Variants in GPM6A observed in about 807,000 individuals in gnomAD.
GPM6A encodes neuronal membrane glycoprotein M6-a.
Under a neutral mutation model 32.1 loss-of-function variants are expected in GPM6A, and 7 were observed. The ratio of observed to expected loss-of-function variants is 0.22; its 90% CI spans 0.12 to 0.41. The LOEUF (loss-of-function observed/expected upper bound fraction) is 0.41. Ranked by LOEUF, GPM6A falls within the 10% of genes least tolerant of loss-of-function variation. GPM6A has a pLI of 1.00. For synonymous variants in GPM6A, 130 were observed against 123.4 expected, an observed-to-expected ratio of 1.05 and a Z score of -0.35; for missense variants, 235 against 347.2, an observed-to-expected ratio of 0.68 and a Z score of 2.57.
chr4:175,930,634 C>T (rs1233064529), intron 1 of GPM6A, among the ~76,000 whole-genome samples: 1 of 151,876 alleles, frequency 6.6e-6, no homozygotes, highest in Non-Finnish European at 1.5e-5. Flanking sequence ...TCATTTTAAT[C>T]CCTTTGAATT....
chr4:175,684,480 C>T (rs1023618180), intron 2 of GPM6A, among the ~76,000 whole-genome samples: 2 of 151,716 alleles, frequency 1.3e-5, no homozygotes, highest in African/African-American at 4.8e-5. Flanking sequence ...TTGGGTGGCA[C>T]AAGAATTGAT....
intron 1 of GPM6A, among the ~76,000 whole-genome samples, chr4:175,736,900 A>T (rs1731683662): frequency 1.3e-5 from 2 of 152,228 alleles, no homozygotes; most frequent in Admixed American, 1.3e-4. Flanking sequence ...TCATAGCACA[A>T]TGCATTAGTC....
rs114347653 is a variant in GPM6A at position 175,840,543 on chromosome 4, G to A, written c.-22-28294C>T. Among the ~76,000 whole-genome samples, 409 of 152,182 alleles carry A rather than the reference G, an allele frequency of 2.7e-3. 2 individuals are homozygous for A. The highest frequency in any genetic ancestry group is 9.4e-3 in the African/African-American group (391 of 41,540). ...AAATACAAAAAAGTAGCCTTGTGGC[G>A]CAGGCCTGTAATCCCAGCTACTCGG... On this transcript the variant is annotated intron_variant, in intron 1 of 7. Transcript: ENST00000280187.
At position 175,868,252 on chromosome 4, in the gene GPM6A, A is replaced by G. The variant is rs527995467; in HGVS notation, c.-22-56003T>C. Among the ~76,000 whole-genome samples, 7 of 152,262 alleles carry G rather than the reference A, an allele frequency of 4.6e-5. No homozygotes were observed. The South Asian group carries it at 1.2e-3, about 27-fold the overall frequency. On this transcript the variant is annotated intron_variant, in intron 1 of 7. Coordinates refer to the GPM6A transcript ENST00000280187. ...CTAGATCCAGAGTGTTGATTTTTCA[A>G]TCTGTTCAGCTTGTTATTTGTTGTT...
chr4:175,681,399 G>C (rs556785711), intron 2 of GPM6A, among the ~76,000 whole-genome samples: 1 of 152,140 alleles, frequency 6.6e-6, no homozygotes, highest in African/African-American at 2.4e-5. Flanking sequence ...TTTATGAATT[G>C]TCTATTCATG....
intron 2 of GPM6A, among the ~76,000 whole-genome samples, chr4:175,694,864 G>A (rs1293103698): frequency 6.6e-6 from 1 of 152,032 alleles, no homozygotes; most frequent in Non-Finnish European, 1.5e-5. Context: ...AGGCCCAGAG[G>A]TGTAGGAGGA....
In GPM6A at chr4:175,649,646, A is replaced by G. The variant is rs1741668397; in HGVS notation, c.541+2188T>C. ...GAAAGTATAAACCATCACATACAAG[A>G]GAATCCGACCCTCATGTTTTCCTGT... On this transcript the variant is annotated intron_variant, in intron 4 of 6. Transcript: ENST00000393658. 2.0e-5 allele frequency among the ~76,000 whole-genome samples: 3 copies of G among 152,318 alleles called. No homozygotes were observed. The South Asian group carries it at 6.2e-4, about 32-fold the overall frequency.
chr4:175,736,167 G>T (rs1403354862), intron 1 of GPM6A, among the ~76,000 whole-genome samples: 1 of 152,004 alleles, frequency 6.6e-6, no homozygotes, highest in Non-Finnish European at 1.5e-5. Flanking sequence ...TCACAGGCAT[G>T]CACCACCATG....
chr4:175,947,705 T>TA (rs1278468777), intron 1 of GPM6A: 2 of 152,014 alleles, frequency 1.3e-5, no homozygotes, highest in African/African-American at 4.8e-5. Context: ...TCAGCTAAAA[T>TA]AAAAAAACAC....
intron 1 of GPM6A, among the ~76,000 whole-genome samples, chr4:175,768,859 G>A (rs1243811002): frequency 6.6e-6 from 1 of 152,130 alleles, no homozygotes; most frequent in Admixed American, 6.6e-5. Context: ...AGTTTGGGAG[G>A]CCGAGGTGGG....
intron 1 of GPM6A, among the ~76,000 whole-genome samples, chr4:175,963,783 T>C (rs1257357425): frequency 1.3e-5 from 2 of 152,106 alleles, no homozygotes; most frequent in Admixed American, 6.6e-5. Flanking sequence ...TTCAAAATAA[T>C]AACAACAATG....
At chr4:175,833,097 T>C (rs530186083) in intron 1 of GPM6A, among the ~76,000 whole-genome samples, 27 of 152,312 alleles carry the variant, frequency 1.8e-4, no homozygotes, top group Admixed American at 1.6e-3. Context: ...AAAGGTAAGA[T>C]TGCTTTCTCA....
intron 1 of GPM6A, among the ~76,000 whole-genome samples, chr4:175,862,982 T>A (rs1177589457): frequency 6.6e-6 from 1 of 152,156 alleles, no homozygotes; most frequent in Non-Finnish European, 1.5e-5. Context: ...GTTTGTCATC[T>A]TTCTCTCTAC....
chr4:175,799,671 C>CTTTTTATTTTT (rs1553990618), intron 1 of GPM6A, among the ~76,000 whole-genome samples: 1 of 122,098 alleles, frequency 8.2e-6, no homozygotes, highest in Non-Finnish European at 1.7e-5. Flanking sequence ...CAAGTGTTTT[C>CTTTTTATTTTT]TTTTTTTTTT....
intron 1 of GPM6A, chr4:175,872,745 G>T (rs1736950939): frequency 6.6e-6 from 1 of 152,152 alleles, no homozygotes; most frequent in African/African-American, 2.4e-5. Context: ...AATAAAAGGT[G>T]CAAAGAAGTT....
At chr4:175,675,684 C>G (rs1481541073) in intron 2 of GPM6A, among the ~76,000 whole-genome samples, 1 of 152,116 alleles carries the variant, frequency 6.6e-6, no homozygotes, top group Non-Finnish European at 1.5e-5. Flanking sequence ...TGGTCTCCCT[C>G]TGTCACCCTG....
chr4:175,983,339 T>C (rs532511265), intron 1 of GPM6A, among the ~76,000 whole-genome samples: 26 of 152,238 alleles, frequency 1.7e-4, no homozygotes, highest in Non-Finnish European at 3.4e-4. Context: ...CTCATGCTTC[T>C]TTGGAGCTCT....
intron 1 of GPM6A, among the ~76,000 whole-genome samples, chr4:175,983,353 T>C (rs927850286): frequency 2.6e-5 from 4 of 152,222 alleles, no homozygotes; most frequent in African/African-American, 4.8e-5. Context: ...GAGCTCTTTA[T>C]ATACCATGCA....
At chr4:175,914,009 A>C (rs1738405566) in intron 1 of GPM6A, among the ~76,000 whole-genome samples, 1 of 152,206 alleles carries the variant, frequency 6.6e-6, no homozygotes, top group Non-Finnish European at 1.5e-5. Context: ...TATTTTGCCA[A>C]GGTTGAAGGC....
Sources: allele counts gnomAD v4.1 joint callset (sites outside exome capture counted in the v4.1 genomes callset), GRCh38; gene constraint gnomAD v4.1.1; transcripts MANE v1.5; gene names NCBI Gene and HGNC (gene_info 2026-07-23, HGNC 2026-07-21).